Variants in SCN4A observed in about 807,000 individuals in gnomAD.
SCN4A encodes the protein sodium channel protein type 4 subunit alpha.
SCN4A carries 83 observed loss-of-function variants against 162.0 expected under a neutral mutation model. That is an observed-to-expected ratio of 0.51 (90% CI 0.43 to 0.61). The LOEUF is 0.61. Ranked by LOEUF, SCN4A falls within the 20% of genes least tolerant of loss-of-function variation. The pLI is 0.00. For missense variants in SCN4A, 2,196 were observed against 2,462.5 expected (o/e 0.89, Z 2.29); for synonymous variants, 944 against 985.1 (o/e 0.96, Z 0.78).
In SCN4A at chr17:63,941,297, A is replaced by T. The variant is rs780603266; in HGVS notation, c.4985T>A (p.Ile1662Asn). The change falls in exon 24 of 24, where the codon ATC becomes AAC. Residue 1662 changes from isoleucine to asparagine, a missense_variant. Ile to Asn is a moderately radical substitution (Grantham distance 149). Transcript: ENST00000435607. This position sits in a 1 kb window ranked among gnomAD's most constrained non-coding sequence, Gnocchi z 6.2. ...RIAKPNKIKL[I>N]TLDLPMVPGD... ...TGGCACCATGGGCAAGTCCAGTGTG[A>T]TGAGCTTGATCTTGTTGGGCTTGGC... is the stretch of plus-strand genomic sequence containing the variant. The T allele has an allele frequency of 1.9e-6, 3 of 1,613,858 alleles. No homozygotes were observed. Among genetic ancestry groups the T allele is most frequent in the Non-Finnish European group, 2.5e-6 (3 of 1,179,856 alleles).
chr17:63,941,641 G>A lies in SCN4A; in HGVS notation c.4641C>T (p.Asn1547=). ...TGGGGTCACAGTCTGGGGGCCCGCT[G>A]TTGAGGATGGGGTTGAGGAGCCCGT... is the stretch of plus-strand genomic sequence containing the variant. The part of the protein sequence containing the change: ...GWDGLLNPIL[N]SGPPDCDPNL... Residue 1547 remains asparagine (N), a synonymous_variant, in exon 24 of 24, where the codon AAC becomes AAT. Transcript: ENST00000435607. This position sits in a 1 kb window ranked among gnomAD's most constrained non-coding sequence, Gnocchi z 6.2. 1 of 1,614,052 alleles carries A rather than the reference G, an allele frequency of 6.2e-7. No individual in the cohort carries two copies. Among genetic ancestry groups the A allele is most frequent in the Non-Finnish European group, 8.5e-7 (1 of 1,179,970 alleles).
Position 63,943,858 on chromosome 17 carries a change from G to T in SCN4A, c.3913-8C>A. On this transcript the variant is annotated splice_region_variant and splice_polypyrimidine_tract_variant and intron_variant, in intron 21 of 23. Coordinates refer to ENST00000435607, the MANE Select transcript of SCN4A (RefSeq NM_000334.4). The stretch of plus-strand genomic sequence containing the variant: ...GATGTCTTTCCCCCCTAAGTATAGT[G>T]GGATAGGGCTTGTCAGGTTGAGGTG... The T allele has an allele frequency of 6.4e-7, 1 of 1,571,086 alleles. No homozygotes were observed. Among genetic ancestry groups the T allele is most frequent in the Non-Finnish European group, 8.8e-7 (1 of 1,140,910 alleles).
rs780370565 is a variant in SCN4A at position 63,963,742 on chromosome 17, T to C, written c.1536A>G (p.Thr512=). 7.5e-6 allele frequency: 12 copies of C among 1,609,064 alleles called. No individual in the cohort carries two copies. Among genetic ancestry groups the C allele is most frequent in the Non-Finnish European group, 1.0e-5 (12 of 1,178,144 alleles). Residue 512 remains threonine (T), a synonymous_variant, in exon 10 of 24, where the codon ACA becomes ACG. Transcript: ENST00000435607. ...HGKDCNGSLD[T]SQGEKGAPRQ... ...TCGGGGCTCCCTTCTCCCCTTGCGA[T>C]GTGTCCAGGCTGCCATTGCAGTCTT...
intron 23 of SCN4A, 137 bp from the exon 24 acceptor site, chr17:63,942,130 G>A: frequency 1.2e-6 from 1 of 848,998 alleles, no homozygotes; most frequent in Non-Finnish European, 1.8e-6. Flanking sequence ...TGACTGACAG[G>A]TGAGGCTGGG....
In SCN4A at chr17:63,950,766, G is replaced by T. The variant is rs950469877; in HGVS notation, c.2853+658C>A. The stretch of plus-strand genomic sequence containing the variant: ...TCAGCCTCAGCCTCAGCTGCTGGGG[G>T]TTACCACCGCTGCGTTCCTGTCCCT... On this transcript the variant is annotated intron_variant, in intron 14 of 23. Transcript: ENST00000435607. This position sits in a 1 kb window ranked among gnomAD's most constrained non-coding sequence, Gnocchi z 4.6. Among the ~76,000 whole-genome samples, 8 of 152,210 alleles carry T rather than the reference G, an allele frequency of 5.3e-5. No individual in the cohort carries two copies. The highest frequency in any genetic ancestry group is 1.9e-4 in the African/African-American group (8 of 41,450).
chr17:63,939,953 T>C lies in SCN4A; in HGVS notation c.*818A>G, dbSNP rs983310784. 3.9e-5 allele frequency: 6 copies of C among 152,186 alleles called. No homozygotes were observed. Among genetic ancestry groups the C allele is most frequent in the Non-Finnish European group, 5.9e-5 (4 of 68,048 alleles). 9.4% of individuals were successfully genotyped at this position (152,186 alleles called of 1,614,324 possible). On this transcript the variant is annotated 3_prime_UTR_variant, in exon 24 of 24. Transcript: ENST00000435607. ...CGCTCAGGTCTGGATGCTCAGGCCATGTGCAGCGATCCAGCTGGCAGGACC... is the reference window on the plus strand; with the variant it reads ...CGCTCAGGTCTGGATGCTCAGGCCACGTGCAGCGATCCAGCTGGCAGGACC...
chr17:63,949,388 C>T lies in SCN4A; in HGVS notation c.2989+5G>A, dbSNP rs115695396. 5,469 of 1,569,074 alleles carry T rather than the reference C, an allele frequency of 3.5e-3. 194 individuals are homozygous for T. The African/African-American group carries it at 0.066, about 19-fold the overall frequency. On this transcript the variant is annotated splice_donor_5th_base_variant and intron_variant, in intron 15 of 23. Transcript: ENST00000435607. ...ACACCCAGATGAGGTGAGGGGTGCC[C>T]TCACCCTCAGTGAAGCACTCCTCAG...
At chr17:63,962,332 G>A (rs1240635761) in intron 10 of SCN4A, among the ~76,000 whole-genome samples, 1 of 152,156 alleles carries the variant, frequency 6.6e-6, no homozygotes, top group Admixed American at 6.5e-5. Context: ...GTCCCCAGCC[G>A]GTCCATCCTT....
chr17:63,942,032 G>C (rs116609378), intron 23 of SCN4A, 39 bp from the exon 24 acceptor site: 2 of 1,521,226 alleles, frequency 1.3e-6, no homozygotes, highest in African/African-American at 1.4e-5. Flanking sequence ...CCACTGGGGA[G>C]GGGGGCCGGC....
intron 10 of SCN4A, among the ~76,000 whole-genome samples, chr17:63,963,395 C>T (rs1567825621): frequency 6.6e-6 from 1 of 152,216 alleles, no homozygotes; most frequent in Non-Finnish European, 1.5e-5. Flanking sequence ...AGCAGCCTGG[C>T]CTTGCAGCTA....
chr17:63,945,259 T>C lies in SCN4A; in HGVS notation c.3720+101A>G, dbSNP rs1908675527. The C allele has an allele frequency of 3.5e-6, 4 of 1,128,188 alleles. No homozygotes were observed. The highest frequency in any genetic ancestry group is 2.9e-5 in the South Asian group (2 of 70,106). The allele number at this position is 1,128,188 out of a possible 1,614,324, so 69.9% of individuals were successfully genotyped here. ...ACAGCATTGGAAGCAGGGTGGGCGGTCCCCTAACCAGGAGTGACACTGGGG... is the reference window on the plus strand; with the variant it reads ...ACAGCATTGGAAGCAGGGTGGGCGGCCCCCTAACCAGGAGTGACACTGGGG... On this transcript the variant is annotated intron_variant, in intron 19 of 23. Coordinates refer to ENST00000435607, the MANE Select transcript of SCN4A (RefSeq NM_000334.4). This position sits in a 1 kb window ranked among gnomAD's most constrained non-coding sequence, Gnocchi z 4.4.
intron 23 of SCN4A, among the ~76,000 whole-genome samples, chr17:63,942,426 A>T (rs915495340): frequency 2.0e-5 from 3 of 152,198 alleles, no homozygotes; most frequent in African/African-American, 7.2e-5. Flanking sequence ...TGATCATGAC[A>T]TTGTTATGAA....
Position 63,957,389 on chromosome 17 carries a change from C to T in SCN4A, c.2149G>A (p.Val717Met), listed in dbSNP as rs770283788. The T allele has an allele frequency of 5.0e-6, 8 of 1,614,134 alleles. No homozygotes were observed. In the Admixed American group the frequency reaches 1.3e-4, roughly 27 times the overall value. Residue 717 changes from valine (V) to methionine (M), a missense_variant, in exon 13 of 24, where the codon GTG becomes ATG. Val to Met is a conservative substitution (Grantham distance 21, BLOSUM62 1). Transcript: ENST00000435607. ...LAIIVFIFAV[V>M]GMQLFGKSYK... Reference sequence around the variant, plus strand: ...CTCTTGCCAAACAGCTGCATGCCCACCACGGCGAAGATGAACACGATGATA... The same window carrying T: ...CTCTTGCCAAACAGCTGCATGCCCATCACGGCGAAGATGAACACGATGATA...
chr17:63,964,807 A>G, intron 8 of SCN4A, 130 bp from the exon 9 acceptor site: 1 of 688,350 alleles, frequency 1.5e-6, no homozygotes, highest in Non-Finnish European at 2.4e-6. Flanking sequence ...TGGGGGACTG[A>G]TGGCCGTCAT....
intron 10 of SCN4A, 93 bp from the exon 11 acceptor site, chr17:63,961,524 C>G (rs992185634): frequency 1.1e-6 from 1 of 879,480 alleles, no homozygotes; most frequent in Admixed American, 1.8e-5. Context: ...TTCCAAGCCC[C>G]GCCCCTTAGC....
intron 4 of SCN4A, 46 bp downstream of exon 4, chr17:63,971,676 C>T (rs1909612244): frequency 1.3e-6 from 2 of 1,539,966 alleles, no homozygotes; most frequent in Admixed American, 2.0e-5. Context: ...CTGGCCCCCT[C>T]CCCTCACCCA....
chr17:63,966,670 C>A, intron 6 of SCN4A, 126 bp from the exon 7 acceptor site: 1 of 702,276 alleles, frequency 1.4e-6, no homozygotes, highest in South Asian at 1.7e-5. Context: ...TGTTCCCTGG[C>A]TGCCTCTTCC....
At chr17:63,956,279 C>A (rs58966350) in intron 13 of SCN4A, among the ~76,000 whole-genome samples, 5 of 152,286 alleles carry the variant, frequency 3.3e-5, no homozygotes, top group East Asian at 1.9e-4. Context: ...CTTGCTCTGC[C>A]CCCCCATGCT....
rs1909103840 is a variant in SCN4A at position 63,957,393 on chromosome 17, G to A, written c.2145C>T (p.Ala715=). The A allele has an allele frequency of 2.5e-6, 4 of 1,613,952 alleles. No homozygotes were observed. The highest frequency in any genetic ancestry group is 1.6e-4 in the Middle Eastern group (1 of 6,084). ...LVLAIIVFIF[A]VVGMQLFGKS... is the part of the protein sequence containing the mutation. Reference sequence around the variant, plus strand: ...TGCCAAACAGCTGCATGCCCACCACGGCGAAGATGAACACGATGATAGCCA... The same window carrying A: ...TGCCAAACAGCTGCATGCCCACCACAGCGAAGATGAACACGATGATAGCCA... Residue 715 remains alanine (A), a synonymous_variant, in exon 13 of 24, where the codon GCC becomes GCT. Transcript: ENST00000435607.
Sources: allele counts gnomAD v4.1 joint callset (sites outside exome capture counted in the v4.1 genomes callset), GRCh38; gene constraint gnomAD v4.1.1; non-coding constraint Gnocchi (gnomAD v3.1); transcripts MANE v1.5; gene names NCBI Gene and HGNC (gene_info 2026-07-23, HGNC 2026-07-21).